The following PPDPFL variants were observed in gnomAD, a reference collection of about 807,000 sequenced individuals.
PPDPFL encodes the protein pancreatic progenitor cell differentiation and proliferation factor-like protein.
A neutral mutation model predicts 12.6 loss-of-function variants in PPDPFL; 12 were observed. The observed-to-expected ratio is 0.95, with a 90% confidence interval of 0.61 to 1.54. PPDPFL has a LOEUF of 1.54. Among genes scored for constraint, PPDPFL ranks in the 40% most tolerant of loss-of-function variants. The pLI, the probability that PPDPFL is intolerant of heterozygous loss-of-function variation, is 0.00. For missense variants in PPDPFL, 114 were observed against 96.0 expected, an observed-to-expected ratio of 1.19 and a Z score of -0.78; for synonymous variants, 24 against 32.7, an observed-to-expected ratio of 0.73 and a Z score of 0.91.
intron 1 of PPDPFL, among the ~76,000 whole-genome samples, chr8:49,066,985 A>T (rs1274514129): frequency 2.0e-5 from 3 of 152,114 alleles, no homozygotes; most frequent in Non-Finnish European, 1.5e-5. Context: ...CTTCCTAATG[A>T]TTGTATGAAC....
intron 1 of PPDPFL, among the ~76,000 whole-genome samples, chr8:49,058,740 A>G (rs2129243568): frequency 6.6e-6 from 1 of 152,358 alleles, no homozygotes; most frequent in Admixed American, 6.5e-5. Flanking sequence ...TATTTAATAA[A>G]GAGCCTTAAA....
rs111811921 is a variant in PPDPFL, at chr8:49,074,423, C to T, written c.233+90C>T. The T allele has an allele frequency of 6.4e-5, 100 of 1,565,438 alleles. No individual in the cohort carries two copies. The African/African-American group carries it at 1.0e-3, about 16-fold the overall frequency. On this transcript the variant is annotated intron_variant, in intron 4 of 4. Coordinates refer to ENST00000522267, the MANE Select transcript of PPDPFL (RefSeq NM_001256597.2). ...TGTGTTATGCTACTCACTTAGGGTA[C>T]ATAGTTGTCTCTTGAGAGCAGTGAG... is the stretch of plus-strand genomic sequence containing the variant.
upstream of PPDPFL, among the ~76,000 whole-genome samples, chr8:49,067,601 C>T (rs1808319186): frequency 6.6e-6 from 1 of 152,192 alleles, no homozygotes; most frequent in Admixed American, 6.5e-5. Flanking sequence ...TTCCATGCTC[C>T]AGAAAGCAGC....
chr8:49,064,555 T>A (rs561126519), intron 1 of PPDPFL, among the ~76,000 whole-genome samples: 4 of 151,936 alleles, frequency 2.6e-5, no homozygotes, highest in African/African-American at 7.3e-5. Context: ...GCCGCCCAGG[T>A]TCCCCCCCAG....
At chr8:49,066,707 G>A (rs753694457) in intron 1 of PPDPFL, among the ~76,000 whole-genome samples, 25 of 152,096 alleles carry the variant, frequency 1.6e-4, no homozygotes, top group African/African-American at 2.7e-4. Context: ...CTTTCTCAGC[G>A]GATCACTAAA....
upstream of PPDPFL, among the ~76,000 whole-genome samples, chr8:49,069,128 C>A (rs1211378055): frequency 6.6e-6 from 1 of 152,110 alleles, no homozygotes; most frequent in Non-Finnish European, 1.5e-5. Flanking sequence ...TAAAAGAAGA[C>A]AAAGCAAATA....
chr8:49,071,242 C>A (rs1165099614), upstream of PPDPFL, among the ~76,000 whole-genome samples: 1 of 152,118 alleles, frequency 6.6e-6, no homozygotes, highest in Non-Finnish European at 1.5e-5. Context: ...GTATACGCTA[C>A]AAAAATTGTG....
Position 49,072,899 on chromosome 8 carries a change from T to C in PPDPFL, c.55+14T>C, listed in dbSNP as rs1328664444. 1.9e-6 allele frequency: 3 copies of C among 1,598,878 alleles called. No individual in the cohort carries two copies. Among genetic ancestry groups the C allele is most frequent in the Non-Finnish European group, 2.6e-6 (3 of 1,170,902 alleles). ...AGTATTATCGAAGTAAGTTGCATCA[T>C]CATAGAGACGTCCCTAGATAATATG... On this transcript the variant is annotated intron_variant, in intron 2 of 4. Transcript: ENST00000522267.
At chr8:49,072,077 C>T (rs1808400553), upstream of PPDPFL, among the ~76,000 whole-genome samples, 1 of 152,364 alleles carries the variant, frequency 6.6e-6, no homozygotes, top group Non-Finnish European at 1.5e-5. Context: ...TGTATCGCCT[C>T]CCTCTCTGTA....
At chr8:49,073,717 T>C (rs759761208) in intron 2 of PPDPFL, among the ~76,000 whole-genome samples, 33 of 152,232 alleles carry the variant, frequency 2.2e-4, no homozygotes, top group Non-Finnish European at 1.5e-4. Flanking sequence ...ATATATGTAA[T>C]ATTTCTAATG....
chr8:49,074,113 T>C lies in PPDPFL; in HGVS notation c.110T>C (p.Ile37Thr). 6.2e-7 allele frequency: 1 copy of C among 1,613,174 alleles called. No homozygotes were observed. Among genetic ancestry groups the C allele is most frequent in the Non-Finnish European group, 8.5e-7 (1 of 1,179,174 alleles). ...ACTAGCTCTGATTCTGTTAACTTCA[T>C]AGATGACGACAAACCACAGCAAGGT... Reference protein sequence around the residue: ...SLTSSDSVNFIDDDKPQQGLP... With the variant: ...SLTSSDSVNFTDDDKPQQGLP... Residue 37 changes from isoleucine (I) to threonine (T), a missense_variant, in exon 3 of 5, where the codon ATA (isoleucine) becomes ACA (threonine). Transcript: ENST00000522267.
intron 1 of PPDPFL, among the ~76,000 whole-genome samples, chr8:49,062,308 T>C (rs1249902541): frequency 6.6e-6 from 1 of 152,114 alleles, no homozygotes; most frequent in East Asian, 1.9e-4. Context: ...GTGAAACCGA[T>C]ATGTTGTGAG....
chr8:49,060,489 T>C (rs755183843), intron 1 of PPDPFL, among the ~76,000 whole-genome samples: 53 of 152,034 alleles, frequency 3.5e-4, no homozygotes, highest in Non-Finnish European at 5.1e-4. Context: ...AATTTTGTAT[T>C]TTTAGTAGAG....
chr8:49,071,458 C>T (rs1189699769), upstream of PPDPFL, among the ~76,000 whole-genome samples: 1 of 152,032 alleles, frequency 6.6e-6, no homozygotes, highest in East Asian at 1.9e-4. Context: ...GAGATCGAGA[C>T]CATCCTGGCT....
chr8:49,060,502 A>G (rs561309899), intron 1 of PPDPFL, among the ~76,000 whole-genome samples: 9 of 152,078 alleles, frequency 5.9e-5, no homozygotes, highest in African/African-American at 2.2e-4. Flanking sequence ...TAGTAGAGAC[A>G]GGGTTTCTCC....
chr8:49,074,425 T>C, intron 4 of PPDPFL, 92 bp downstream of exon 4: 1 of 1,564,004 alleles, frequency 6.4e-7, no homozygotes, highest in Non-Finnish European at 8.7e-7. Context: ...TTAGGGTACA[T>C]AGTTGTCTCT....
At chr8:49,068,051 G>C (rs1009993539), upstream of PPDPFL, among the ~76,000 whole-genome samples, 1 of 152,148 alleles carries the variant, frequency 6.6e-6, no homozygotes, top group Non-Finnish European at 1.5e-5. Flanking sequence ...TCTAAGCCCT[G>C]TTGTGACATT....
chr8:49,062,909 C>T (rs893084241), intron 1 of PPDPFL, among the ~76,000 whole-genome samples: 9 of 152,086 alleles, frequency 5.9e-5, no homozygotes, highest in African/African-American at 1.9e-4. Flanking sequence ...CCAGAATTTA[C>T]GGAGTGAAGG....
upstream of PPDPFL, among the ~76,000 whole-genome samples, chr8:49,067,567 T>C (rs928121651): frequency 4.6e-5 from 7 of 152,202 alleles, no homozygotes; most frequent in African/African-American, 1.7e-4. Flanking sequence ...ATTAGCAAGT[T>C]TAGTCATTGT....
Sources: allele counts gnomAD v4.1 joint callset (sites outside exome capture counted in the v4.1 genomes callset), GRCh38; gene constraint gnomAD v4.1.1; transcripts MANE v1.5; gene names NCBI Gene and HGNC (gene_info 2026-07-23, HGNC 2026-07-21).